ARHGAP22: variants seen among roughly 807,000 people sequenced by gnomAD.
ARHGAP22 encodes the protein Rho GTPase activating protein 22, also known as rho GTPase-activating protein 22.
A neutral mutation model predicts 59.1 loss-of-function variants in ARHGAP22; 48 were observed. The observed-to-expected ratio is 0.81, with a 90% CI of 0.64 to 1.03. The LOEUF (loss-of-function observed/expected upper bound fraction) is 1.03, where lower values mean the gene tolerates loss of function less well. Among genes scored for constraint, ARHGAP22 ranks in the 50% least tolerant of loss-of-function variants. ARHGAP22 has a pLI of 0.00. For synonymous variants in ARHGAP22, 445 were observed against 416.4 expected (o/e 1.07, Z -0.84); for missense variants, 1,015 against 958.7 (o/e 1.06, Z -0.78).
chr10:48,489,456 G>A (rs2050156386), intron 3 of ARHGAP22, among the ~76,000 whole-genome samples: 1 of 152,206 alleles, frequency 6.6e-6, no homozygotes, highest in South Asian at 2.1e-4. Context: ...CAAGGAAGAT[G>A]AAATGGAGGA....
At chr10:48,460,018 TG>T in intron 4 of ARHGAP22, 127 bp from the exon 5 acceptor site, 1 of 932,674 alleles carries the variant, frequency 1.1e-6, no homozygotes, top group Non-Finnish European at 1.6e-6. Context: ...AATTACACAC[TG>T]GGAGGATGCA....
At chr10:48,650,849 C>A (rs562525217) in intron 1 of ARHGAP22, among the ~76,000 whole-genome samples, 1 of 152,186 alleles carries the variant, frequency 6.6e-6, no homozygotes, top group African/African-American at 2.4e-5. Context: ...GCTGCTCCCC[C>A]ACCCCCTATT....
intron 1 of ARHGAP22, among the ~76,000 whole-genome samples, chr10:48,643,951 C>A (rs2062179510): frequency 6.6e-6 from 1 of 151,948 alleles, no homozygotes; most frequent in African/African-American, 2.4e-5. Flanking sequence ...AGTTTGAGAC[C>A]AGCCTAAACG....
At chr10:48,469,646 G>A (rs576508808) in intron 4 of ARHGAP22, among the ~76,000 whole-genome samples, 3 of 152,320 alleles carry the variant, frequency 2.0e-5, no homozygotes, top group East Asian at 1.9e-4. Context: ...GGTGGGCTGC[G>A]CTGCCCCCAG....
intron 3 of ARHGAP22, among the ~76,000 whole-genome samples, chr10:48,505,140 G>A (rs772278333): frequency 6.6e-6 from 1 of 152,122 alleles, no homozygotes; most frequent in Non-Finnish European, 1.5e-5. Flanking sequence ...TCCAACCTCC[G>A]CCTTCTGGAT....
At chr10:48,539,035 G>C (rs2055644625) in intron 3 of ARHGAP22, among the ~76,000 whole-genome samples, 1 of 152,190 alleles carries the variant, frequency 6.6e-6, no homozygotes, top group Non-Finnish European at 1.5e-5. Context: ...AAAACTCAAA[G>C]GATAATATTG....
rs763086544 is a variant in ARHGAP22, at chr10:48,569,480, CT to C, written c.234+13472del. On this transcript the variant is annotated intron_variant, in intron 2 of 9. Transcript: ENST00000249601. The stretch of plus-strand genomic sequence containing the variant: ...AACACAATGAAACATAAGTTATGCT[CT>C]TCTGAACAATGAATAAAATATGTTT... 3.4e-4 allele frequency among the ~76,000 whole-genome samples: 52 copies of C among 152,334 alleles called. No homozygotes were observed. In the East Asian group the frequency reaches 6.7e-3, roughly 20 times the overall value.
In ARHGAP22 at chr10:48,450,761, G is replaced by A. The variant is rs543177536; in HGVS notation, c.1368C>T (p.Ser456=). The A allele has an allele frequency of 3.8e-6, 6 of 1,562,590 alleles. No homozygotes were observed. Among genetic ancestry groups the A allele is most frequent in the East Asian group, 2.4e-5 (1 of 42,268 alleles). Residue 456 remains serine (S), a synonymous_variant, in exon 9 of 10, where the codon TCC becomes TCT. Transcript: ENST00000249601. Reference sequence around the variant, plus strand: ...GCCCGTTCATAAGCCAGTTCCCGCCGGAGGAGATGATGGGCACCTCCAGGG... The same window carrying A: ...GCCCGTTCATAAGCCAGTTCCCGCCAGAGGAGATGATGGGCACCTCCAGGG... The part of the protein sequence containing the change: ...GSSLEVPIIS[S]GGNWLMNGLS...
At chr10:48,525,291 G>A (rs922434871) in intron 3 of ARHGAP22, among the ~76,000 whole-genome samples, 4 of 152,146 alleles carry the variant, frequency 2.6e-5, no homozygotes, top group South Asian at 2.1e-4. Context: ...AAGAATCATC[G>A]GCCGGGCATG....
intron 9 of ARHGAP22, among the ~76,000 whole-genome samples, chr10:48,449,578 A>T (rs894182707): frequency 6.6e-6 from 1 of 152,158 alleles, no homozygotes; most frequent in African/African-American, 2.4e-5. Context: ...GCTAACGGGG[A>T]CCTGCAGCCA....
chr10:48,461,545 G>C (rs554848796), intron 4 of ARHGAP22, among the ~76,000 whole-genome samples: 3 of 152,312 alleles, frequency 2.0e-5, no homozygotes, highest in East Asian at 3.9e-4. Context: ...TAGAGGGAGA[G>C]AGGAAGGAGG....
At chr10:48,579,033 C>T (rs7098855) in intron 2 of ARHGAP22, among the ~76,000 whole-genome samples, 56,803 of 151,708 alleles carry the variant, frequency 0.37, 11,703 homozygotes, top group East Asian at 0.74. Flanking sequence ...TTATGAGAAA[C>T]AAAATGTTTG....
chr10:48,571,924 A>G (rs952688024), intron 2 of ARHGAP22, among the ~76,000 whole-genome samples: 3 of 152,216 alleles, frequency 2.0e-5, no homozygotes, highest in African/African-American at 4.8e-5. Context: ...AAGCAGAAAC[A>G]TGCTTGGTTT....
In ARHGAP22 at chr10:48,454,305, C is replaced by A. The variant is rs1404414297; in HGVS notation, c.793-144G>T. Reference sequence around the variant, plus strand: ...AGACCAGAGGGCTCCACCACCTCCACCTCCCCTCAAGGAGTGGCCAGGGCC... The same window carrying A: ...AGACCAGAGGGCTCCACCACCTCCAACTCCCCTCAAGGAGTGGCCAGGGCC... On this transcript the variant is annotated intron_variant, in intron 6 of 9. Transcript: ENST00000249601. 11 of 735,492 alleles carry A rather than the reference C, an allele frequency of 1.5e-5. No individual in the cohort carries two copies. The Admixed American group carries it at 1.9e-4, about 13-fold the overall frequency. 45.6% of individuals were successfully genotyped at this position (735,492 alleles called of 1,614,324 possible).
chr10:48,583,149 C>G lies in ARHGAP22; in HGVS notation c.38G>C (p.Arg13Pro), dbSNP rs775119246. 1 of 1,613,528 alleles carries G rather than the reference C, an allele frequency of 6.2e-7. No homozygotes were observed. The highest frequency in any genetic ancestry group is 2.2e-5 in the East Asian group (1 of 44,884). ...SPKIRQARRA[R>P]SKSLVMGEQS... The stretch of plus-strand genomic sequence containing the variant: ...CTCCCCCATCACTAGGCTTTTGGAG[C>G]GGGCTGAAAGCCAAGGACACACAGA... Residue 13 changes from arginine to proline, a missense_variant, in exon 2 of 10, where the codon CGC becomes CCC. Transcript: ENST00000249601.
chr10:48,577,874 G>A (rs1203847988), intron 2 of ARHGAP22, among the ~76,000 whole-genome samples: 3 of 130,146 alleles, frequency 2.3e-5, no homozygotes, highest in African/African-American at 5.8e-5. Context: ...GTGCAGTAGC[G>A]CTTATCTTGT....
chr10:48,540,170 G>A (rs565171721), intron 3 of ARHGAP22, among the ~76,000 whole-genome samples: 86 of 152,288 alleles, frequency 5.6e-4, no homozygotes, highest in African/African-American at 2.0e-3. Flanking sequence ...TCATTTTCTA[G>A]CCATCTTTGC....
chr10:48,501,561 C>T (rs892512997), intron 3 of ARHGAP22, among the ~76,000 whole-genome samples: 1 of 152,174 alleles, frequency 6.6e-6, no homozygotes, highest in Non-Finnish European at 1.5e-5. Flanking sequence ...TTGGTTTTGA[C>T]AATCTCTTTG....
At chr10:48,544,221 AG>A (rs2056228693) in intron 3 of ARHGAP22, among the ~76,000 whole-genome samples, 1 of 152,174 alleles carries the variant, frequency 6.6e-6, no homozygotes, top group South Asian at 2.1e-4. Context: ...CTTGCCAAGT[AG>A]GCAGTTTCCC....
Sources: allele counts gnomAD v4.1 joint callset (sites outside exome capture counted in the v4.1 genomes callset), GRCh38; gene constraint gnomAD v4.1.1; transcripts MANE v1.5; gene names NCBI Gene and HGNC (gene_info 2026-07-23, HGNC 2026-07-21).